The following CDH20 variants were observed in gnomAD, a reference collection of about 807,000 sequenced individuals.
CDH20 encodes cadherin-20.
In CDH20, 29 loss-of-function variants were observed where a neutral mutation model predicts 74.2. That is an observed-to-expected ratio of 0.39 (90% CI 0.29 to 0.53). The LOEUF is 0.53. Ranked by LOEUF, CDH20 falls within the 20% of genes least tolerant of loss-of-function variation. The pLI is 0.69. For missense variants in CDH20, 988 were observed against 1,048.3 expected, an observed-to-expected ratio of 0.94 and a Z score of 0.79; for synonymous variants, 469 against 405.4, an observed-to-expected ratio of 1.16 and a Z score of -1.88.
intron 1 of CDH20, among the ~76,000 whole-genome samples, chr18:61,470,233 G>A (rs1371950548): frequency 1.3e-5 from 2 of 152,152 alleles, no homozygotes; most frequent in Non-Finnish European, 2.9e-5. Context: ...TTACAGGGTC[G>A]CATCTTATCA....
intron 6 of CDH20, among the ~76,000 whole-genome samples, chr18:61,511,806 C>T (rs969205694): frequency 2.0e-5 from 3 of 152,164 alleles, no homozygotes; most frequent in East Asian, 1.9e-4. Context: ...ATTACTAAAA[C>T]GATATCCATG....
At position 61,402,815 on chromosome 18, in the gene CDH20, A is replaced by G. The variant is rs1912199468; in HGVS notation, c.-153+68988A>G. ...TATGTTTCAATATTGAAACTTGAAC[A>G]TTTTTTTACACCAGAAAAGTTATTC... is the stretch of plus-strand genomic sequence containing the variant. On this transcript the variant is annotated intron_variant, in intron 1 of 11. Coordinates refer to ENST00000262717, the MANE Select transcript of CDH20 (RefSeq NM_031891.4). Among the ~76,000 whole-genome samples the G allele has an allele frequency of 1.3e-5, 2 of 152,228 alleles. 1 individual carries two copies. The highest frequency in any genetic ancestry group is 4.8e-5 in the African/African-American group (2 of 41,540).
chr18:61,523,431 G>A (rs944009336), intron 6 of CDH20, among the ~76,000 whole-genome samples: 1 of 152,162 alleles, frequency 6.6e-6, no homozygotes, highest in Non-Finnish European at 1.5e-5. Context: ...ATGCAGGAGA[G>A]GATGTGGAGA....
At chr18:61,443,741 C>T (rs1388214449) in intron 1 of CDH20, among the ~76,000 whole-genome samples, 1 of 152,092 alleles carries the variant, frequency 6.6e-6, no homozygotes, top group Admixed American at 6.6e-5. Context: ...GGCATAAGCT[C>T]GTTATCCCAC....
At chr18:61,490,224 G>C (rs1910906059) in intron 1 of CDH20, among the ~76,000 whole-genome samples, 178 bp from the exon 2 acceptor site, 1 of 152,114 alleles carries the variant, frequency 6.6e-6, no homozygotes, top group Non-Finnish European at 1.5e-5. Context: ...AGCAAGATGT[G>C]TTGTCTTATT....
chr18:61,356,186 A>G (rs995698213), intron 1 of CDH20, among the ~76,000 whole-genome samples: 2 of 152,220 alleles, frequency 1.3e-5, no homozygotes, highest in African/African-American at 4.8e-5. Context: ...CATTGAAAAT[A>G]CAGTTCTAAA....
intron 2 of CDH20, among the ~76,000 whole-genome samples, chr18:61,495,321 T>C (rs1467886972): frequency 1.3e-5 from 2 of 152,244 alleles, no homozygotes; most frequent in African/African-American, 2.4e-5. Flanking sequence ...ATTCTACGGC[T>C]GGTAAAGCGG....
intron 1 of CDH20, among the ~76,000 whole-genome samples, chr18:61,390,514 A>T (rs1333852133): frequency 6.6e-6 from 1 of 152,222 alleles, no homozygotes; most frequent in South Asian, 2.1e-4. Flanking sequence ...ATAAATATTT[A>T]AAAATAACCA....
intron 1 of CDH20, among the ~76,000 whole-genome samples, chr18:61,355,837 T>C (rs7237201): frequency 0.2 from 30,071 of 152,094 alleles, 3,305 homozygotes; most frequent in East Asian, 0.47. Flanking sequence ...AAAAAATCCA[T>C]AGACTAATGT....
At position 61,528,002 on chromosome 18, in the gene CDH20, A is replaced by G; in HGVS notation, c.1053A>G (p.Leu351=). ...LSFESKKSYT[L]KVEGANPHLE... is the part of the protein sequence containing the mutation. ...TTGAAAGCAAGAAAAGCTACACCTT[A>G]AAGGTGGAGGGAGCCAATCCTCACC... is the stretch of plus-strand genomic sequence containing the variant. Residue 351 remains leucine, a synonymous_variant, in exon 7 of 12, where the codon TTA becomes TTG. Coordinates refer to ENST00000262717, the MANE Select transcript of CDH20 (RefSeq NM_031891.4). 1 of 1,614,026 alleles carries G rather than the reference A, an allele frequency of 6.2e-7. No homozygotes were observed. Among genetic ancestry groups the G allele is most frequent in the Non-Finnish European group, 8.5e-7 (1 of 1,179,914 alleles).
chr18:61,366,710 A>G (rs554708363), intron 1 of CDH20, among the ~76,000 whole-genome samples: 108 of 152,286 alleles, frequency 7.1e-4, no homozygotes, highest in African/African-American at 2.4e-3. Context: ...TTGAAGATTT[A>G]TAATGTTGCC....
chr18:61,490,592 G>T lies in CDH20; in HGVS notation c.39G>T (p.Trp13Cys). Residue 13 changes from tryptophan to cysteine, a missense_variant, in exon 2 of 12, where the codon TGG becomes TGT. By Grantham distance (215) the Trp-to-Cys change is radical. Transcript: ENST00000262717. ...TSGRMSNAKN[W>C]LGLGMSLYFW... The stretch of plus-strand genomic sequence containing the variant: ...GTAGAATGAGCAATGCAAAGAACTG[G>T]CTTGGACTTGGCATGTCCTTGTACT... 6.2e-7 allele frequency: 1 copy of T among 1,614,140 alleles called. No individual in the cohort carries two copies. The highest frequency in any genetic ancestry group is 1.1e-5 in the South Asian group (1 of 91,082).
intron 1 of CDH20, among the ~76,000 whole-genome samples, chr18:61,476,439 T>C (rs528283823): frequency 6.6e-6 from 1 of 152,262 alleles, no homozygotes; most frequent in African/African-American, 2.4e-5. Context: ...AGCCAAGATA[T>C]ATCCAAATTC....
At chr18:61,349,859 C>T (rs1394889366) in intron 1 of CDH20, among the ~76,000 whole-genome samples, 1 of 151,878 alleles carries the variant, frequency 6.6e-6, no homozygotes, top group East Asian at 1.9e-4. Context: ...GCTTATATTT[C>T]CACAAACTAC....
chr18:61,532,614 T>C (rs1050058829), intron 7 of CDH20, among the ~76,000 whole-genome samples: 6 of 151,980 alleles, frequency 3.9e-5, no homozygotes, highest in Admixed American at 3.9e-4. Context: ...TTACCCTTAC[T>C]GCATGTGATA....
intron 1 of CDH20, among the ~76,000 whole-genome samples, chr18:61,479,666 T>C (rs1364286875): frequency 1.1e-4 from 2 of 18,580 alleles, no homozygotes; most frequent in Admixed American, 3.4e-4. Flanking sequence ...GTCACTATTT[T>C]TCCCCCCTAA....
intron 6 of CDH20, among the ~76,000 whole-genome samples, chr18:61,515,001 G>A (rs1414582181): frequency 6.6e-6 from 1 of 151,908 alleles, no homozygotes; most frequent in East Asian, 2.0e-4. Flanking sequence ...AGGCAGGCAG[G>A]CCTCCTTGAG....
intron 1 of CDH20, among the ~76,000 whole-genome samples, chr18:61,389,073 G>C (rs1911689530): frequency 6.6e-6 from 1 of 152,140 alleles, no homozygotes; most frequent in Admixed American, 6.6e-5. Flanking sequence ...ATGAAGGCAG[G>C]GTTGAGACAG....
chr18:61,553,350 G>C (rs766291862), intron 11 of CDH20, among the ~76,000 whole-genome samples: 16 of 152,056 alleles, frequency 1.1e-4, no homozygotes, highest in Non-Finnish European at 2.2e-4. Context: ...TAGCTCAATG[G>C]GATTATCTCT....
Sources: allele counts gnomAD v4.1 joint callset (sites outside exome capture counted in the v4.1 genomes callset), GRCh38; gene constraint gnomAD v4.1.1; transcripts MANE v1.5; gene names NCBI Gene and HGNC (gene_info 2026-07-23, HGNC 2026-07-21).